WDR59: variants seen among roughly 807,000 people sequenced by gnomAD.
The protein encoded by WDR59 is GATOR2 complex protein WDR59.
In WDR59, 100 loss-of-function variants were observed where a neutral mutation model predicts 131.2. That is an observed-to-expected ratio of 0.76 (90% CI 0.65 to 0.90). WDR59 has a LOEUF of 0.90. Among genes scored for constraint, WDR59 ranks in the 40% least tolerant of loss-of-function variants. The probability of loss-of-function intolerance (pLI) is 0.00; values close to 1 mark genes in which losing one functional copy is unlikely to be tolerated. For missense variants in WDR59, 1,203 were observed against 1,262.2 expected (o/e 0.95, Z 0.71); for synonymous variants, 601 against 466.2 (o/e 1.29, Z -3.72).
chr16:74,908,794 T>G, intron 17 of WDR59, 114 bp downstream of exon 17: 1 of 716,996 alleles, frequency 1.4e-6, no homozygotes, highest in Non-Finnish European at 2.3e-6. Flanking sequence ...ATAATGGGAG[T>G]TTACTGAAGA....
In WDR59 at chr16:74,949,811, G is replaced by A. The variant is rs983177734; in HGVS notation, c.327-13C>T. 9 of 1,613,086 alleles carry A rather than the reference G, an allele frequency of 5.6e-6. No individual in the cohort carries two copies. The African/African-American group carries it at 1.1e-4, about 19-fold the overall frequency. On this transcript the variant is annotated splice_polypyrimidine_tract_variant and intron_variant, in intron 4 of 25. Coordinates refer to ENST00000262144, the MANE Select transcript of WDR59 (RefSeq NM_030581.4). ...CCAGTCCAAGTCGCTGGGACACAAA[G>A]AATAAACAGAACAAAGAAAAGGAAA...
intron 18 of WDR59, among the ~76,000 whole-genome samples, chr16:74,902,777 T>A (rs1965614775): frequency 6.6e-6 from 1 of 152,000 alleles, no homozygotes; most frequent in Admixed American, 6.6e-5. Flanking sequence ...TGCAAACATG[T>A]GGGAAAAAAG....
intron 1 of WDR59, among the ~76,000 whole-genome samples, chr16:74,968,581 C>T (rs868091621): frequency 2.0e-5 from 3 of 152,008 alleles, no homozygotes; most frequent in Admixed American, 1.3e-4. Flanking sequence ...ATCAGCCAGG[C>T]GTGGTGGCAT....
At position 74,905,911 on chromosome 16, in the gene WDR59, T is replaced by C. The variant is rs570133133; in HGVS notation, c.1713-1811A>G. Among the ~76,000 whole-genome samples the C allele has an allele frequency of 1.6e-4, 24 of 151,880 alleles. No homozygotes were observed. The South Asian group carries it at 2.1e-3, about 13-fold the overall frequency. On this transcript the variant is annotated intron_variant, in intron 17 of 25. Transcript: ENST00000262144. ...CAAATAAGATACAGTTCCCCCAAAA[T>C]GGGCAAAATACTTAACAAGCACATC...
At chr16:74,921,061 G>C (rs1273298057) in intron 10 of WDR59, among the ~76,000 whole-genome samples, 1 of 151,936 alleles carries the variant, frequency 6.6e-6, no homozygotes, top group African/African-American at 2.4e-5. Flanking sequence ...TCAAATACAT[G>C]ATATATTTCA....
chr16:74,984,914 G>T, intron 1 of WDR59, 50 bp downstream of exon 1: 1 of 1,585,496 alleles, frequency 6.3e-7, no homozygotes, highest in Non-Finnish European at 8.6e-7. Flanking sequence ...TGGGGGAGGG[G>T]AAGCGGGGAG....
chr16:74,953,865 G>A (rs2033142014), intron 3 of WDR59, among the ~76,000 whole-genome samples: 3 of 152,028 alleles, frequency 2.0e-5, no homozygotes. Context: ...AGCCGGGCAT[G>A]GTGGTGGACG....
At chr16:74,897,989 C>T (rs1178908028) in intron 18 of WDR59, among the ~76,000 whole-genome samples, 1 of 152,116 alleles carries the variant, frequency 6.6e-6, no homozygotes, top group Non-Finnish European at 1.5e-5. Context: ...GGGTCTTAGG[C>T]CTTTGCTGCT....
At chr16:74,965,687 T>C (rs370787211) in intron 2 of WDR59, 86 bp downstream of exon 2, 1 of 1,503,986 alleles carries the variant, frequency 6.6e-7, no homozygotes, top group African/African-American at 1.4e-5. Flanking sequence ...TCCGTAAATA[T>C]AAGAATAGCT....
intron 19 of WDR59, among the ~76,000 whole-genome samples, chr16:74,892,871 G>C (rs758636917): frequency 2.6e-5 from 4 of 152,200 alleles, no homozygotes; most frequent in Non-Finnish European, 5.9e-5. Flanking sequence ...CCCAAGCCGT[G>C]AGGGTTGAAT....
At chr16:74,881,622 C>CA (rs1964486147) in intron 25 of WDR59, among the ~76,000 whole-genome samples, 1 of 151,978 alleles carries the variant, frequency 6.6e-6, no homozygotes, top group Admixed American at 6.6e-5. Context: ...TGACTGTAAT[C>CA]CCAGCACTTT....
rs201847176 is a variant in WDR59, at chr16:74,951,592, G to C, written c.241-49C>G. 1.4e-3 allele frequency: 2,082 copies of C among 1,505,440 alleles called. 5 individuals carry two copies. The highest frequency in any genetic ancestry group is 1.7e-3 in the Non-Finnish European group (1,917 of 1,102,840). The allele number at this position is 1,505,440 out of a possible 1,614,324, so 93.3% of individuals were successfully genotyped here. ...ACAGGCAAGTATGTTGGGATATATG[G>C]TCTTGCCCCAATCAGCTTAAGGCAG... On this transcript the variant is annotated intron_variant, in intron 3 of 25. Coordinates refer to ENST00000262144, the MANE Select transcript of WDR59 (RefSeq NM_030581.4).
At position 74,981,647 on chromosome 16, in the gene WDR59, T is replaced by TACAC. The variant is rs1205414952; in HGVS notation, c.54+3316_54+3317insGTGT. Among the ~76,000 whole-genome samples, 12 of 7,506 alleles carry TACAC rather than the reference T, an allele frequency of 1.6e-3. 2 individuals carry two copies. In the South Asian group the frequency reaches 0.038, roughly 24 times the overall value. 4.9% of individuals were successfully genotyped at this position (7,506 alleles called of 152,430 possible). On this transcript the variant is annotated intron_variant, in intron 1 of 25. Transcript: ENST00000262144. ...ATATATATATATATATATATATATA[T>TACAC]ATATATATATATATTTTTTTTTTTT... is the stretch of plus-strand genomic sequence containing the variant.
At chr16:74,930,281 A>T (rs551234553) in intron 8 of WDR59, among the ~76,000 whole-genome samples, 1 of 152,298 alleles carries the variant, frequency 6.6e-6, no homozygotes, top group East Asian at 1.9e-4. Flanking sequence ...TACTCATTAT[A>T]TGCCTGTATC....
chr16:74,889,795 T>C lies in WDR59; in HGVS notation c.2103A>G (p.Val701=), dbSNP rs771002476. The change falls in exon 21 of 26, where the codon GTA becomes GTG. Residue 701 remains valine (V), a synonymous_variant. Coordinates refer to ENST00000262144, the MANE Select transcript of WDR59 (RefSeq NM_030581.4). The stretch of plus-strand genomic sequence containing the variant: ...TCGGACCAAGGCAAAGATCTGTAGC[T>C]ACCGTAGCCAGCGACCAAACCTGGA... ...DLVQVWSLAT[V]ATDLCLGPKS... 6.2e-7 allele frequency: 1 copy of C among 1,614,010 alleles called. No homozygotes were observed. The highest frequency in any genetic ancestry group is 8.5e-7 in the Non-Finnish European group (1 of 1,180,010).
chr16:74,948,801 G>C (rs1385910759), intron 5 of WDR59, among the ~76,000 whole-genome samples: 1 of 152,086 alleles, frequency 6.6e-6, no homozygotes, highest in Non-Finnish European at 1.5e-5. Flanking sequence ...CAGAGTTCGA[G>C]ACCAGCCTGA....
intron 25 of WDR59, among the ~76,000 whole-genome samples, chr16:74,877,606 G>A (rs1414439204): frequency 1.3e-5 from 2 of 152,150 alleles, no homozygotes; most frequent in African/African-American, 2.4e-5. Flanking sequence ...GTGCAATGGT[G>A]CGATCTCAGC....
chr16:74,933,867 G>T (rs907034144), intron 8 of WDR59, among the ~76,000 whole-genome samples: 2 of 152,214 alleles, frequency 1.3e-5, no homozygotes, highest in Non-Finnish European at 2.9e-5. Flanking sequence ...TTACAGGCGT[G>T]AGCCACCGCA....
chr16:74,967,317 G>A (rs2033814623), intron 1 of WDR59, among the ~76,000 whole-genome samples: 1 of 152,164 alleles, frequency 6.6e-6, no homozygotes, highest in African/African-American at 2.4e-5. Flanking sequence ...GCCATTTCCA[G>A]GATTCCTCTG....
Sources: gnomAD v4.1 joint callset for allele counts (sites outside exome capture counted in the v4.1 genomes callset) on GRCh38, gnomAD v4.1.1 for gene constraint, MANE v1.5 for transcripts, NCBI Gene and HGNC (gene_info 2026-07-23, HGNC 2026-07-21) for gene names.